KCNIP4: variants seen among roughly 807,000 people sequenced by gnomAD.
KCNIP4 encodes Kv channel-interacting protein 4.
KCNIP4 carries 12 observed loss-of-function variants against 34.0 expected under a neutral mutation model. The ratio of observed to expected loss-of-function variants is 0.35; its 90% CI spans 0.23 to 0.57. The LOEUF is 0.57. Among genes scored for constraint, KCNIP4 ranks in the 20% least tolerant of loss-of-function variants. The probability of loss-of-function intolerance (pLI) is 0.83; values close to 1 mark genes in which losing one functional copy is unlikely to be tolerated. For missense variants in KCNIP4, 238 were observed against 311.7 expected (o/e 0.76, Z 1.78); for synonymous variants, 124 against 102.2 (o/e 1.21, Z -1.29).
intron 1 of KCNIP4, among the ~76,000 whole-genome samples, chr4:21,617,946 A>T (rs1744716505): frequency 6.6e-6 from 1 of 152,210 alleles, no homozygotes; most frequent in Non-Finnish European, 1.5e-5. Context: ...GGTATTGAGA[A>T]AATTATTTAT....
intron 1 of KCNIP4, among the ~76,000 whole-genome samples, chr4:21,583,417 T>C (rs1248735704): frequency 6.6e-6 from 1 of 151,866 alleles, no homozygotes; most frequent in Non-Finnish European, 1.5e-5. Context: ...AATAAGGCAA[T>C]ATATATATGA....
At chr4:20,960,858 C>A (rs1221333644) in intron 1 of KCNIP4, among the ~76,000 whole-genome samples, 4 of 152,060 alleles carry the variant, frequency 2.6e-5, no homozygotes, top group African/African-American at 7.2e-5. Flanking sequence ...TAAGAAGGGG[C>A]AAGAGGTGTG....
chr4:21,818,402 T>A (rs1478201768), intron 1 of KCNIP4, among the ~76,000 whole-genome samples: 1 of 152,236 alleles, frequency 6.6e-6, no homozygotes, highest in African/African-American at 2.4e-5. Flanking sequence ...TATATGTTTG[T>A]ACATTTCTAG....
At chr4:21,682,811 C>A (rs1414897610) in intron 1 of KCNIP4, among the ~76,000 whole-genome samples, 1 of 152,168 alleles carries the variant, frequency 6.6e-6, no homozygotes, top group African/African-American at 2.4e-5. Flanking sequence ...GCAGTCAGAA[C>A]ACACACAACA....
intron 1 of KCNIP4, among the ~76,000 whole-genome samples, chr4:21,196,908 A>G (rs1438176294): frequency 2.6e-5 from 4 of 152,166 alleles, no homozygotes; most frequent in Non-Finnish European, 4.4e-5. Flanking sequence ...AGATACAGAC[A>G]TTATCAGCTG....
At chr4:21,881,939 T>C (rs1374716684) in intron 1 of KCNIP4, among the ~76,000 whole-genome samples, 1 of 152,100 alleles carries the variant, frequency 6.6e-6, no homozygotes, top group Non-Finnish European at 1.5e-5. Context: ...CCCATGAACA[T>C]ATTAAGACGG....
chr4:20,731,890 G>A, intron 8 of KCNIP4, 116 bp downstream of exon 8: 1 of 1,481,520 alleles, frequency 6.7e-7, no homozygotes, highest in Non-Finnish European at 9.0e-7. Flanking sequence ...TTGTAGAAGT[G>A]GTAAACTTAG....
chr4:20,950,475 C>A (rs547338652), intron 1 of KCNIP4, among the ~76,000 whole-genome samples: 60 of 152,108 alleles, frequency 3.9e-4, no homozygotes, highest in African/African-American at 1.4e-3. Context: ...TGTTGCTGTT[C>A]TTTGATATTG....
At chr4:21,606,386 T>A (rs1743672611) in intron 1 of KCNIP4, among the ~76,000 whole-genome samples, 1 of 151,950 alleles carries the variant, frequency 6.6e-6, no homozygotes. Flanking sequence ...GTCAGCAGAG[T>A]CATTACTTTT....
chr4:21,183,629 G>A (rs943615879), intron 1 of KCNIP4, among the ~76,000 whole-genome samples: 2 of 151,914 alleles, frequency 1.3e-5, no homozygotes, highest in African/African-American at 4.8e-5. Flanking sequence ...ATATCTGCCA[G>A]TACTTGTCAT....
intron 2 of KCNIP4, among the ~76,000 whole-genome samples, chr4:20,853,737 A>G (rs1721281593): frequency 6.6e-6 from 1 of 152,220 alleles, no homozygotes; most frequent in Admixed American, 6.5e-5. Flanking sequence ...GAAAATCTTC[A>G]TAATCTATAC....
chr4:21,501,978 C>A (rs988275538), intron 1 of KCNIP4, among the ~76,000 whole-genome samples: 3 of 134,708 alleles, frequency 2.2e-5, no homozygotes, highest in African/African-American at 8.9e-5. Flanking sequence ...TTCTCTCTCT[C>A]TCTCTCATGC....
intron 1 of KCNIP4, among the ~76,000 whole-genome samples, chr4:21,027,267 C>T (rs1485421976): frequency 6.6e-6 from 1 of 152,058 alleles, no homozygotes; most frequent in Non-Finnish European, 1.5e-5. Context: ...CATGGCCACA[C>T]GTATTTATTA....
chr4:21,072,276 C>T (rs993970473), intron 1 of KCNIP4, among the ~76,000 whole-genome samples: 9 of 152,262 alleles, frequency 5.9e-5, no homozygotes, highest in African/African-American at 2.2e-4. Flanking sequence ...AAAAGTGTTC[C>T]TATTTCTCCA....
chr4:21,358,714 G>A (rs1349902877), intron 1 of KCNIP4, among the ~76,000 whole-genome samples: 2 of 152,160 alleles, frequency 1.3e-5, no homozygotes, highest in Non-Finnish European at 2.9e-5. Context: ...GCTGGGAACT[G>A]CTTAGGGCAA....
chr4:20,928,770 T>C (rs975137112), intron 1 of KCNIP4, among the ~76,000 whole-genome samples: 2 of 151,834 alleles, frequency 1.3e-5, no homozygotes, highest in African/African-American at 4.8e-5. Flanking sequence ...GTAGAAATAT[T>C]GCAATGGAAA....
intron 1 of KCNIP4, among the ~76,000 whole-genome samples, chr4:21,343,282 A>T (rs570877278): frequency 2.2e-4 from 34 of 152,264 alleles, no homozygotes; most frequent in African/African-American, 7.5e-4. Flanking sequence ...ATGCACTGAA[A>T]GTGGAACTAT....
chr4:21,042,759 C>A (rs139339833), intron 1 of KCNIP4, among the ~76,000 whole-genome samples: 1 of 152,088 alleles, frequency 6.6e-6, no homozygotes, highest in Non-Finnish European at 1.5e-5. Context: ...ACTACTTACA[C>A]GTTTTGAAAC....
At chr4:20,900,220 T>C (rs922946593) in intron 1 of KCNIP4, among the ~76,000 whole-genome samples, 12 of 152,172 alleles carry the variant, frequency 7.9e-5, no homozygotes, top group Non-Finnish European at 1.6e-4. Flanking sequence ...GACCACCTAT[T>C]TTAGAAATAT....
Sources: allele counts gnomAD v4.1 joint callset (sites outside exome capture counted in the v4.1 genomes callset), GRCh38; gene constraint gnomAD v4.1.1; transcripts MANE v1.5; gene names NCBI Gene and HGNC (gene_info 2026-07-23, HGNC 2026-07-21).